The following FRAS1 variants were observed in gnomAD, a reference collection of about 807,000 sequenced individuals.
The protein encoded by FRAS1 is Fraser extracellular matrix complex subunit 1.
FRAS1 carries 290 observed loss-of-function variants against 435.2 expected under a neutral mutation model. That is an observed-to-expected ratio of 0.67 (90% confidence interval 0.61 to 0.73). The LOEUF is 0.73. FRAS1 is among the 30% of genes least tolerant of loss of function. The pLI is 0.00. For missense variants in FRAS1, 4,860 were observed against 5,001.5 expected (o/e 0.97, Z 0.85); for synonymous variants, 1,800 against 1,851.0 (o/e 0.97, Z 0.71).
intron 58 of FRAS1, among the ~76,000 whole-genome samples, chr4:78,485,293 C>A (rs1254662765): frequency 2.0e-5 from 3 of 152,172 alleles, no homozygotes; most frequent in African/African-American, 4.8e-5. Context: ...ACACACCTGG[C>A]ATTTATCACT....
At chr4:78,522,844 T>C (rs1435812701) in intron 69 of FRAS1, 36 bp downstream of exon 69, 4 of 1,523,160 alleles carry the variant, frequency 2.6e-6, no homozygotes, top group Middle Eastern at 3.4e-4. Flanking sequence ...TGGGTAGAGC[T>C]GAATGGTTTT....
chr4:78,178,819 A>G (rs1186277438), intron 2 of FRAS1, among the ~76,000 whole-genome samples: 1 of 152,202 alleles, frequency 6.6e-6, no homozygotes, highest in Non-Finnish European at 1.5e-5. Context: ...TTGGGGAGAC[A>G]CTATTAAACC....
intron 43 of FRAS1, among the ~76,000 whole-genome samples, chr4:78,447,810 G>C (rs1327900004): frequency 6.6e-6 from 1 of 152,168 alleles, no homozygotes; most frequent in African/African-American, 2.4e-5. Flanking sequence ...ACATCCATCT[G>C]TGTCTCCTTA....
chr4:78,116,886 G>A (rs1011736690), intron 2 of FRAS1, among the ~76,000 whole-genome samples: 3 of 152,136 alleles, frequency 2.0e-5, no homozygotes, highest in Non-Finnish European at 4.4e-5. Flanking sequence ...ATGTTAGCTG[G>A]TTATTTTGCT....
chr4:78,418,255 T>C (rs1262619155), intron 32 of FRAS1, among the ~76,000 whole-genome samples: 1 of 152,210 alleles, frequency 6.6e-6, no homozygotes. Context: ...GTATGTGCTT[T>C]AATAAACAAA....
chr4:78,096,545 T>C (rs1741817011), intron 2 of FRAS1, among the ~76,000 whole-genome samples: 1 of 152,174 alleles, frequency 6.6e-6, no homozygotes, highest in East Asian at 1.9e-4. Context: ...TTTCCATACA[T>C]CCTATGAAAT....
At chr4:78,521,202 C>T (rs776892130) in intron 67 of FRAS1, among the ~76,000 whole-genome samples, 5 of 151,942 alleles carry the variant, frequency 3.3e-5, no homozygotes, top group Admixed American at 6.6e-5. Context: ...GTAACCATAC[C>T]CTGGTGTAAA....
At chr4:78,472,442 C>A in intron 52 of FRAS1, 112 bp downstream of exon 52, 1 of 908,450 alleles carries the variant, frequency 1.1e-6, no homozygotes, top group Non-Finnish European at 1.6e-6. Flanking sequence ...CAAGTAACCA[C>A]TTTGCAGAGA....
rs779931297 is a variant in FRAS1, at chr4:78,499,759, C to T, written c.9154C>T (p.Arg3052Trp). 58 of 1,613,856 alleles carry T rather than the reference C, an allele frequency of 3.6e-5. No individual in the cohort carries two copies. Among genetic ancestry groups the T allele is most frequent in the Admixed American group, 5.0e-5 (3 of 60,018 alleles). ...IEFEEAAYQVREPAGPDAIAI... is the reference protein window; with the variant it reads ...IEFEEAAYQVWEPAGPDAIAI... Reference sequence around the variant, plus strand: ...GTTTGAAGAAGCTGCATACCAAGTCCGGGAACCCGCAGGCCCAGATGCCAT... The same window carrying T: ...GTTTGAAGAAGCTGCATACCAAGTCTGGGAACCCGCAGGCCCAGATGCCAT... The change falls in exon 61 of 74, where the codon CGG becomes TGG. Residue 3052 changes from arginine to tryptophan, a missense_variant. Coordinates refer to ENST00000512123, the MANE Select transcript of FRAS1 (RefSeq NM_025074.7).
intron 2 of FRAS1, among the ~76,000 whole-genome samples, chr4:78,214,105 G>A (rs564613870): frequency 6.6e-6 from 1 of 152,318 alleles, no homozygotes; most frequent in South Asian, 2.1e-4. Context: ...TCCTTTTATA[G>A]ACTGGATTGA....
chr4:78,234,017 A>G (rs534879656), intron 2 of FRAS1, among the ~76,000 whole-genome samples: 6 of 152,268 alleles, frequency 3.9e-5, no homozygotes, highest in African/African-American at 1.4e-4. Context: ...CTATTCCACA[A>G]TTGTCCCTGT....
intron 69 of FRAS1, among the ~76,000 whole-genome samples, chr4:78,526,257 C>G (rs1351791538): frequency 3.9e-5 from 6 of 152,186 alleles, no homozygotes; most frequent in African/African-American, 1.4e-4. Flanking sequence ...CCTGAGCCTT[C>G]TATGTTTTCA....
chr4:78,246,644 TATG>T (rs2110125863), intron 4 of FRAS1, among the ~76,000 whole-genome samples: 1 of 152,324 alleles, frequency 6.6e-6, no homozygotes, highest in South Asian at 2.1e-4. Context: ...TCCGAATGAT[TATG>T]ATAAGTGCAT....
intron 2 of FRAS1, among the ~76,000 whole-genome samples, chr4:78,207,240 GT>G (rs1255820753): frequency 1.3e-5 from 2 of 152,062 alleles, no homozygotes; most frequent in African/African-American, 4.8e-5. Context: ...TTCTTTTGTT[GT>G]TTTCTTTTGG....
intron 2 of FRAS1, among the ~76,000 whole-genome samples, chr4:78,200,750 A>G (rs1049752372): frequency 1.3e-5 from 2 of 151,732 alleles, no homozygotes; most frequent in Admixed American, 6.6e-5. Context: ...ATAATTATTC[A>G]GTATATTTAC....
At chr4:78,211,149 G>T (rs1265834523) in intron 2 of FRAS1, among the ~76,000 whole-genome samples, 3 of 152,200 alleles carry the variant, frequency 2.0e-5, no homozygotes, top group Non-Finnish European at 1.5e-5. Context: ...GTCGGGGCAA[G>T]GGTTATTTCA....
rs113904342 is a variant in FRAS1, at chr4:78,162,301, T to C, written c.109-75209T>C. ...TATAGCACTAACTTGGGGAAGATAC[T>C]GCTCATCAATAGGAATTTATGATTA... On this transcript the variant is annotated intron_variant, in intron 2 of 73. Coordinates refer to ENST00000512123, the MANE Select transcript of FRAS1 (RefSeq NM_025074.7). 4.7e-4 allele frequency among the ~76,000 whole-genome samples: 71 copies of C among 152,316 alleles called. 2 individuals are homozygous for C. Among genetic ancestry groups the C allele is most frequent in the African/African-American group, 1.6e-3 (68 of 41,586 alleles).
chr4:78,108,543 G>T (rs1161937127), intron 2 of FRAS1, among the ~76,000 whole-genome samples: 1 of 101,800 alleles, frequency 9.8e-6, no homozygotes, highest in African/African-American at 4.3e-5. Context: ...GATGTTCTTT[G>T]AAACCAACGA....
intron 50 of FRAS1, among the ~76,000 whole-genome samples, chr4:78,467,639 G>A (rs1022169983): frequency 6.6e-6 from 1 of 152,086 alleles, no homozygotes; most frequent in African/African-American, 2.4e-5. Context: ...GTTTTTTGAG[G>A]AACCTCCAAA....
Sources: allele counts gnomAD v4.1 joint callset (sites outside exome capture counted in the v4.1 genomes callset), GRCh38; gene constraint gnomAD v4.1.1; transcripts MANE v1.5; gene names NCBI Gene and HGNC (gene_info 2026-07-23, HGNC 2026-07-21).